Variants in ITGB3BP observed in about 807,000 individuals in gnomAD.
ITGB3BP encodes integrin subunit beta 3 binding protein, also known as centromere protein R.
Under a neutral mutation model 29.1 loss-of-function variants are expected in ITGB3BP, and 27 were observed. That is an observed-to-expected ratio of 0.93 (90% confidence interval 0.68 to 1.28). The LOEUF (loss-of-function observed/expected upper bound fraction) is 1.28, where lower values mean the gene tolerates loss of function less well. Ranked by LOEUF, ITGB3BP falls within the 50% of genes most tolerant of loss-of-function variation. The pLI is 0.00. For synonymous variants in ITGB3BP, 61 were observed against 61.4 expected (o/e 0.99, Z 0.03); for missense variants, 192 against 200.2 (o/e 0.96, Z 0.25).
chr1:63,495,367 G>A (rs1000446936), intron 2 of ITGB3BP, among the ~76,000 whole-genome samples: 1 of 152,124 alleles, frequency 6.6e-6, no homozygotes, highest in Non-Finnish European at 1.5e-5. Context: ...ATTTTCCAAA[G>A]AGAATGAAGA....
At chr1:63,496,225 T>C (rs1402447460) in intron 2 of ITGB3BP, among the ~76,000 whole-genome samples, 1 of 151,958 alleles carries the variant, frequency 6.6e-6, no homozygotes, top group Non-Finnish European at 1.5e-5. Context: ...CCTGAGTAAT[T>C]GGGACGACAG....
Position 63,447,131 on chromosome 1 carries a change from T to C in ITGB3BP, c.485-275A>G. 1.9e-5 allele frequency: 7 copies of C among 375,092 alleles called. No homozygotes were observed. The South Asian group carries it at 2.4e-4, about 13-fold the overall frequency. 23.2% of individuals were successfully genotyped at this position (375,092 alleles called of 1,614,324 possible). On this transcript the variant is annotated intron_variant, in intron 7 of 8. Transcript: ENST00000271002. ...ATTACCATTGTTAGTACACTCTTTA[T>C]GGTTACTAAAATGACTGTCATTTGT...
At chr1:63,506,070 G>C (rs1189414117) in intron 2 of ITGB3BP, among the ~76,000 whole-genome samples, 1 of 152,132 alleles carries the variant, frequency 6.6e-6, no homozygotes, top group African/African-American at 2.4e-5. Context: ...GGATATCCTT[G>C]TTAACTTTCT....
At chr1:63,528,945 A>G (rs1646645468) in intron 2 of ITGB3BP, among the ~76,000 whole-genome samples, 1 of 150,888 alleles carries the variant, frequency 6.6e-6, no homozygotes, top group East Asian at 1.9e-4. Context: ...CCTTTTTAAA[A>G]TAAAAATATT....
intron 2 of ITGB3BP, among the ~76,000 whole-genome samples, chr1:63,501,168 C>T (rs191743645): frequency 3.7e-4 from 56 of 152,140 alleles, no homozygotes; most frequent in African/African-American, 1.3e-3. Context: ...CCAGTCCCTA[C>T]CTTGAACCAT....
At chr1:63,518,485 T>C (rs1163541112) in intron 1 of ITGB3BP, among the ~76,000 whole-genome samples, 3 of 152,172 alleles carry the variant, frequency 2.0e-5, no homozygotes, top group African/African-American at 4.8e-5. Flanking sequence ...TGATAGTTTA[T>C]GTTCTCTTTC....
At chr1:63,522,306 C>T (rs942532571) in intron 1 of ITGB3BP, among the ~76,000 whole-genome samples, 24 of 152,126 alleles carry the variant, frequency 1.6e-4, no homozygotes, top group African/African-American at 5.6e-4. Flanking sequence ...AAAATTTCCC[C>T]AGCTGTGTTA....
chr1:63,461,177 C>T (rs1236276510), intron 4 of ITGB3BP, among the ~76,000 whole-genome samples: 1 of 148,628 alleles, frequency 6.7e-6, no homozygotes, highest in African/African-American at 2.5e-5. Context: ...TGGCGTGAAC[C>T]CGGGAGGCGG....
At chr1:63,500,442 G>A (rs549088440) in intron 2 of ITGB3BP, among the ~76,000 whole-genome samples, 1 of 152,138 alleles carries the variant, frequency 6.6e-6, no homozygotes, top group East Asian at 1.9e-4. Context: ...CAAAGCTGCA[G>A]GATATATGAT....
chr1:63,446,214 T>C (rs1263741250), intron 8 of ITGB3BP, among the ~76,000 whole-genome samples: 2 of 152,194 alleles, frequency 1.3e-5, no homozygotes, highest in Non-Finnish European at 2.9e-5. Context: ...CAGTTCTTAA[T>C]GTGAACCTTC....
chr1:63,483,347 A>G (rs1219325466), intron 3 of ITGB3BP, among the ~76,000 whole-genome samples: 1 of 152,216 alleles, frequency 6.6e-6, no homozygotes, highest in Non-Finnish European at 1.5e-5. Context: ...TCACAATAAT[A>G]AAAATGTTTA....
At chr1:63,523,515 G>T (rs913545087), upstream of ITGB3BP, 10 of 293,022 alleles carry the variant, frequency 3.4e-5, no homozygotes, top group Non-Finnish European at 1.3e-5. Context: ...TTCCGGTGGC[G>T]GTGAGGTGCA....
chr1:63,442,845 T>C (rs1253463453), intron 8 of ITGB3BP: 4 of 152,228 alleles, frequency 2.6e-5, no homozygotes, highest in Non-Finnish European at 5.9e-5. Flanking sequence ...GCTTTGTTCA[T>C]ACTAAGCCTC....
rs181726038 is a variant in ITGB3BP, at chr1:63,449,581, A to G, written c.485-2725T>C. On this transcript the variant is annotated intron_variant, in intron 7 of 8. Coordinates refer to ENST00000271002, the MANE Select transcript of ITGB3BP (RefSeq NM_014288.5). ...AATCGTGTAAAACAAGAGCATTAAC[A>G]TTATTAATAGGAAAGGTTATGATTC... is the stretch of plus-strand genomic sequence containing the variant. 129 of 152,830 alleles carry G rather than the reference A, an allele frequency of 8.4e-4. 2 individuals are homozygous for G. Among genetic ancestry groups the G allele is most frequent in the Non-Finnish European group, 1.5e-5 (1 of 68,012 alleles). 9.5% of individuals were successfully genotyped at this position (152,830 alleles called of 1,614,324 possible).
intron 1 of ITGB3BP, 147 bp downstream of exon 1, chr1:63,522,982 C>G (rs1297919526): frequency 1.1e-6 from 1 of 904,746 alleles, no homozygotes; most frequent in Admixed American, 1.7e-5. Flanking sequence ...GTTGAGGGTA[C>G]CAAGCGAAGG....
chr1:63,452,647 T>TAA (rs145593230), intron 7 of ITGB3BP, among the ~76,000 whole-genome samples: 59,376 of 150,340 alleles, frequency 0.39, 13,484 homozygotes, highest in Non-Finnish European at 0.52. Flanking sequence ...TTTTTTTTTT[T>TAA]AAAAGATCCC....
At chr1:63,465,972 G>A (rs796130025) in intron 4 of ITGB3BP, among the ~76,000 whole-genome samples, 1 of 152,148 alleles carries the variant, frequency 6.6e-6, no homozygotes, top group African/African-American at 2.4e-5. Context: ...AGTGGACAGA[G>A]TGGGCTGACC....
At chr1:63,457,932 G>A (rs1644958579) in intron 4 of ITGB3BP, 1 of 152,038 alleles carries the variant, frequency 6.6e-6, no homozygotes, top group South Asian at 2.1e-4. Context: ...TCATCGTAGA[G>A]TAAAAACCCA....
At chr1:63,508,700 C>A in intron 1 of ITGB3BP, 130 bp from the exon 2 acceptor site, 2 of 495,524 alleles carry the variant, frequency 4.0e-6, no homozygotes, top group South Asian at 3.8e-5. Flanking sequence ...TGTATTAAAG[C>A]AGAATACCAT....
Sources: gnomAD v4.1 joint callset for allele counts (sites outside exome capture counted in the v4.1 genomes callset) on GRCh38, gnomAD v4.1.1 for gene constraint, MANE v1.5 for transcripts, NCBI Gene and HGNC (gene_info 2026-07-23, HGNC 2026-07-21) for gene names.